SLC25A13: variants seen among roughly 807,000 people sequenced by gnomAD.
The protein encoded by SLC25A13 is solute carrier family 25 member 13, also known as electrogenic aspartate/glutamate antiporter SLC25A13, mitochondrial.
In SLC25A13, 70 loss-of-function variants were observed where a neutral mutation model predicts 85.5. The observed-to-expected ratio is 0.82, with a 90% CI of 0.68 to 1.00. SLC25A13 has a LOEUF of 1.00. SLC25A13 is among the 50% of genes least tolerant of loss of function. The probability of loss-of-function intolerance (pLI) is 0.00; values close to 1 mark genes in which losing one functional copy is unlikely to be tolerated. For missense variants in SLC25A13, 765 were observed against 819.8 expected, an observed-to-expected ratio of 0.93 and a Z score of 0.82; for synonymous variants, 259 against 288.7, an observed-to-expected ratio of 0.90 and a Z score of 1.04.
At chr7:96,144,398 T>C (rs1040158649) in intron 14 of SLC25A13, among the ~76,000 whole-genome samples, 5 of 152,172 alleles carry the variant, frequency 3.3e-5, no homozygotes, top group Admixed American at 2.6e-4. Context: ...ACTAGGTCAC[T>C]TTCTTGCAAC....
At chr7:96,189,704 A>T (rs761424529) in intron 7 of SLC25A13, 30 bp from the exon 8 acceptor site, 1 of 1,585,138 alleles carries the variant, frequency 6.3e-7, no homozygotes, top group East Asian at 2.2e-5. Context: ...AAAGGGAAAG[A>T]TTCAAGAAGA....
At chr7:96,246,831 T>C (rs1234909374) in intron 3 of SLC25A13, among the ~76,000 whole-genome samples, 1 of 152,210 alleles carries the variant, frequency 6.6e-6, no homozygotes, top group African/African-American at 2.4e-5. Flanking sequence ...TACCCAGGCT[T>C]GAGCCAGAAT....
chr7:96,229,661 TATGAACAACTCTGGACGGGAGGA>T (rs1796459406), intron 4 of SLC25A13, among the ~76,000 whole-genome samples: 4 of 146,040 alleles, frequency 2.7e-5, no homozygotes, highest in African/African-American at 7.7e-5. Flanking sequence ...CACCGGGAGG[TATGAACAACTCTGGACGGGAGGA>T]ATGAACAACT....
At chr7:96,231,996 A>G (rs1796556695) in intron 4 of SLC25A13, among the ~76,000 whole-genome samples, 1 of 152,192 alleles carries the variant, frequency 6.6e-6, no homozygotes, top group African/African-American at 2.4e-5. Context: ...AGGAGTGTAA[A>G]TTAGTTCAAC....
intron 14 of SLC25A13, among the ~76,000 whole-genome samples, chr7:96,133,846 C>T (rs1036173454): frequency 2.0e-5 from 3 of 151,628 alleles, no homozygotes; most frequent in Non-Finnish European, 2.9e-5. Context: ...CGCTTGAACC[C>T]GGAGGTGGAG....
In SLC25A13 at chr7:96,302,152, A is replaced by G. The variant is rs571803830; in HGVS notation, c.16-5201T>C. Among the ~76,000 whole-genome samples, 21 of 152,346 alleles carry G rather than the reference A, an allele frequency of 1.4e-4. 1 individual carries two copies. In the South Asian group the frequency reaches 4.3e-3, roughly 32 times the overall value. On this transcript the variant is annotated intron_variant, in intron 1 of 17. Transcript: ENST00000265631. The stretch of plus-strand genomic sequence containing the variant: ...CATCAATAGCGTTTGCAAAACACAT[A>G]CTAGGTAGGTACATCCTAGAAATAA...
At chr7:96,306,938 A>G (rs1799765953) in intron 1 of SLC25A13, 1 of 930,848 alleles carries the variant, frequency 1.1e-6, no homozygotes, top group Non-Finnish European at 1.7e-6. Flanking sequence ...GTCCCACCAC[A>G]CTCGCATTTC....
chr7:96,166,110 C>T (rs1257015745), intron 13 of SLC25A13, among the ~76,000 whole-genome samples: 2 of 152,142 alleles, frequency 1.3e-5, no homozygotes, highest in Non-Finnish European at 2.9e-5. Flanking sequence ...TTAGTCTCAC[C>T]AGTCCCTTTT....
At chr7:96,183,875 T>G (rs1453836963) in intron 11 of SLC25A13, among the ~76,000 whole-genome samples, 2 of 152,188 alleles carry the variant, frequency 1.3e-5, no homozygotes, top group African/African-American at 4.8e-5. Context: ...TACTGAACCC[T>G]TCGTTATCTT....
intron 14 of SLC25A13, among the ~76,000 whole-genome samples, chr7:96,141,019 C>CTTTTTTTTTTTT (rs11433644): frequency 4.0e-5 from 5 of 124,692 alleles, no homozygotes; most frequent in Non-Finnish European, 8.3e-5. Context: ...TTTTTTCTTT[C>CTTTTTTTTTTTT]TTTTTTTTTT....
chr7:96,164,019 C>T (rs1793634864), intron 13 of SLC25A13, among the ~76,000 whole-genome samples: 3 of 152,188 alleles, frequency 2.0e-5, no homozygotes, highest in Admixed American at 2.0e-4. Flanking sequence ...TTCCCACAAT[C>T]AGGCAAGGTA....
chr7:96,191,350 C>T, intron 6 of SLC25A13, 103 bp from the exon 7 acceptor site: 3 of 1,218,022 alleles, frequency 2.5e-6, no homozygotes, highest in Non-Finnish European at 3.5e-6. Flanking sequence ...ATCAAAAATG[C>T]ATGTACAAGA....
intron 3 of SLC25A13, among the ~76,000 whole-genome samples, chr7:96,262,024 T>C (rs962861151): frequency 2.0e-5 from 3 of 152,176 alleles, no homozygotes; most frequent in South Asian, 2.1e-4. Context: ...ACCGTTGCAA[T>C]AGACTAAGTT....
At chr7:96,189,167 G>A (rs940575728) in intron 9 of SLC25A13, 127 bp downstream of exon 9, 1 of 804,866 alleles carries the variant, frequency 1.2e-6, no homozygotes, top group African/African-American at 1.7e-5. Context: ...TTTATCGAGA[G>A]TTTTGGTGCA....
intron 2 of SLC25A13, among the ~76,000 whole-genome samples, chr7:96,290,520 T>A (rs948066577): frequency 2.0e-5 from 3 of 151,352 alleles, no homozygotes; most frequent in African/African-American, 7.3e-5. Context: ...TGTGCTGTAT[T>A]CAGCAAACCC....
chr7:96,258,333 C>G lies in SLC25A13; in HGVS notation c.212+18863G>C, dbSNP rs575285708. Among the ~76,000 whole-genome samples the G allele has an allele frequency of 5.1e-4, 77 of 152,268 alleles. 1 individual carries two copies. In the South Asian group the frequency reaches 0.015, roughly 29 times the overall value. On this transcript the variant is annotated intron_variant, in intron 3 of 17. Coordinates refer to ENST00000265631, the MANE Select transcript of SLC25A13 (RefSeq NM_014251.3). ...TTTAGAAAACCCCATCGTCTCAGCCCAAAACCTCCTTAAGCTGATAAGCAA... is the reference window on the plus strand; with the variant it reads ...TTTAGAAAACCCCATCGTCTCAGCCGAAAACCTCCTTAAGCTGATAAGCAA...
chr7:96,127,482 G>A (rs928867561), intron 15 of SLC25A13, among the ~76,000 whole-genome samples: 1 of 152,134 alleles, frequency 6.6e-6, no homozygotes, highest in African/African-American at 2.4e-5. Context: ...TTCTCTAGGT[G>A]AGGATACCAA....
chr7:96,253,025 C>T (rs917846513), intron 3 of SLC25A13, among the ~76,000 whole-genome samples: 2 of 152,078 alleles, frequency 1.3e-5, no homozygotes, highest in African/African-American at 4.8e-5. Context: ...ACCCGGGAGG[C>T]GGAGGTTGCA....
At chr7:96,260,678 A>G (rs1253817624) in intron 3 of SLC25A13, among the ~76,000 whole-genome samples, 1 of 152,008 alleles carries the variant, frequency 6.6e-6, no homozygotes, top group Non-Finnish European at 1.5e-5. Context: ...TCCCTATCTC[A>G]TTTGCTTATA....
Sources: allele counts gnomAD v4.1 joint callset (sites outside exome capture counted in the v4.1 genomes callset), GRCh38; gene constraint gnomAD v4.1.1; transcripts MANE v1.5; gene names NCBI Gene and HGNC (gene_info 2026-07-23, HGNC 2026-07-21).